SGCZ: variants seen among roughly 807,000 people sequenced by gnomAD.
SGCZ encodes sarcoglycan zeta.
SGCZ carries 40 observed loss-of-function variants against 41.3 expected under a neutral mutation model. The observed-to-expected ratio is 0.97, with a 90% CI of 0.75 to 1.26. The LOEUF is 1.26. SGCZ is among the 50% of genes most tolerant of loss of function. SGCZ has a pLI of 0.00. For synonymous variants in SGCZ, 206 were observed against 137.5 expected (o/e 1.50, Z -3.49); for missense variants, 552 against 369.8 (o/e 1.49, Z -4.04).
intron 5 of SGCZ, among the ~76,000 whole-genome samples, chr8:14,121,020 TAAC>T (rs1802680402): frequency 6.6e-6 from 1 of 152,088 alleles, no homozygotes; most frequent in South Asian, 2.1e-4. Context: ...CCTGTCCAGA[TAAC>T]AAGTATTATT....
At chr8:14,676,499 C>A (rs1207357013) in intron 1 of SGCZ, among the ~76,000 whole-genome samples, 1 of 152,130 alleles carries the variant, frequency 6.6e-6, no homozygotes, top group South Asian at 2.1e-4. Context: ...AGCCTGGAGA[C>A]AGAGTGAGAC....
chr8:14,623,414 C>T (rs2117376153), intron 1 of SGCZ, among the ~76,000 whole-genome samples: 1 of 152,238 alleles, frequency 6.6e-6, no homozygotes, highest in East Asian at 1.9e-4. Context: ...GCAAGCATCC[C>T]GCTGTTGAAC....
At chr8:14,650,345 GT>G (rs1807357079) in intron 1 of SGCZ, among the ~76,000 whole-genome samples, 1 of 151,960 alleles carries the variant, frequency 6.6e-6, no homozygotes, top group Non-Finnish European at 1.5e-5. Context: ...AGTGGATGAT[GT>G]TTTTTAAAAA....
At chr8:14,964,975 C>T (rs552448325) in intron 1 of SGCZ, among the ~76,000 whole-genome samples, 1 of 152,102 alleles carries the variant, frequency 6.6e-6, no homozygotes, top group South Asian at 2.1e-4. Flanking sequence ...GCAGACAGAC[C>T]ATTTACCTTT....
At chr8:14,232,674 C>T (rs991988086) in intron 4 of SGCZ, among the ~76,000 whole-genome samples, 5 of 151,814 alleles carry the variant, frequency 3.3e-5, no homozygotes, top group African/African-American at 1.2e-4. Flanking sequence ...CATATGTATA[C>T]ATGTGCCATG....
intron 1 of SGCZ, among the ~76,000 whole-genome samples, chr8:15,119,566 C>CTTTTTTTTCTTTTTTTTTTTTTTTTTTT (rs1554460208): frequency 6.6e-6 from 1 of 150,444 alleles, no homozygotes; most frequent in African/African-American, 2.5e-5. Context: ...TCCTAATTTT[C>CTTTTTTTTCTTTTTTTTTTTTTTTTTTT]TATTATAACA....
At chr8:14,382,999 A>G (rs1804426732) in intron 2 of SGCZ, among the ~76,000 whole-genome samples, 3 of 152,158 alleles carry the variant, frequency 2.0e-5, no homozygotes, top group Admixed American at 1.3e-4. Context: ...CATATGTGGA[A>G]GCATGCCACC....
intron 5 of SGCZ, among the ~76,000 whole-genome samples, chr8:14,131,249 A>C (rs1803031703): frequency 6.6e-6 from 1 of 152,112 alleles, no homozygotes; most frequent in Non-Finnish European, 1.5e-5. Context: ...TGGCACCTTA[A>C]AGGGAGGAGC....
chr8:14,980,157 G>T (rs759600334), intron 1 of SGCZ, among the ~76,000 whole-genome samples: 2 of 152,094 alleles, frequency 1.3e-5, no homozygotes, highest in Admixed American at 6.6e-5. Flanking sequence ...TCTTACCTGT[G>T]GTCTATGGTG....
At chr8:15,040,468 T>A (rs756795706) in intron 1 of SGCZ, among the ~76,000 whole-genome samples, 5 of 151,872 alleles carry the variant, frequency 3.3e-5, no homozygotes, top group Non-Finnish European at 7.4e-5. Context: ...ACAAAAAAAA[T>A]TAGCCGGGAG....
intron 1 of SGCZ, among the ~76,000 whole-genome samples, chr8:14,988,569 C>T (rs989688858): frequency 3.3e-5 from 5 of 151,872 alleles, no homozygotes; most frequent in Admixed American, 2.6e-4. Flanking sequence ...TTCAAATCGT[C>T]TTTTCATTTC....
intron 2 of SGCZ, among the ~76,000 whole-genome samples, chr8:14,546,973 T>C (rs573239532): frequency 3.5e-4 from 54 of 152,126 alleles, no homozygotes; most frequent in African/African-American, 1.2e-3. Context: ...TGCTTTAAAG[T>C]GTTATTGTGA....
At chr8:14,386,644 G>T (rs1804588983) in intron 2 of SGCZ, among the ~76,000 whole-genome samples, 2 of 151,944 alleles carry the variant, frequency 1.3e-5, no homozygotes, top group African/African-American at 4.8e-5. Context: ...TCTAAATTTG[G>T]TTTACATTTT....
chr8:14,555,023 C>G (rs918792419), intron 1 of SGCZ, 97 bp from the exon 2 acceptor site: 1 of 1,110,484 alleles, frequency 9.0e-7, no homozygotes, highest in Admixed American at 2.5e-5. Flanking sequence ...GAACAATGTA[C>G]GTTAAAATAA....
chr8:14,640,347 T>G lies in SGCZ; in HGVS notation c.40-85421A>C, dbSNP rs915156127. Among the ~76,000 whole-genome samples, 6 of 151,870 alleles carry G rather than the reference T, an allele frequency of 4.0e-5. No homozygotes were observed. The South Asian group carries it at 8.3e-4, about 21-fold the overall frequency. ...TTATCAGTCAATCACTTTTAGCACT[T>G]TGAAGATATCGTTATCCTGTCTTCT... On this transcript the variant is annotated intron_variant, in intron 1 of 7. Transcript: ENST00000382080.
intron 5 of SGCZ, among the ~76,000 whole-genome samples, chr8:14,147,409 G>T (rs1803560289): frequency 6.6e-6 from 1 of 152,068 alleles, no homozygotes; most frequent in African/African-American, 2.4e-5. Flanking sequence ...AAGTGCAGGA[G>T]TTGCTATACT....
rs560427110 is a variant in SGCZ at position 14,927,815 on chromosome 8, T to C, written c.39+309770A>G. ...AGGGTTAACTTCTAGTCTGACCCTA[T>C]GTTTCTTCTTTCAATAATTAATACA... On this transcript the variant is annotated intron_variant, in intron 1 of 7. Coordinates refer to ENST00000382080, the MANE Select transcript of SGCZ (RefSeq NM_139167.4). Among the ~76,000 whole-genome samples the C allele has an allele frequency of 1.2e-4, 19 of 152,174 alleles. No homozygotes were observed. The South Asian group carries it at 3.6e-3, about 29-fold the overall frequency.
At chr8:14,674,334 A>C (rs1385532813) in intron 1 of SGCZ, among the ~76,000 whole-genome samples, 1 of 152,154 alleles carries the variant, frequency 6.6e-6, no homozygotes, top group Non-Finnish European at 1.5e-5. Context: ...GATAAGAGTA[A>C]AAATGTGTGG....
At chr8:14,672,009 A>C (rs1036607372) in intron 1 of SGCZ, among the ~76,000 whole-genome samples, 10 of 152,160 alleles carry the variant, frequency 6.6e-5, no homozygotes, top group Admixed American at 6.5e-4. Context: ...ACTATCTTCC[A>C]ATTTGGGAAT....
Sources: allele counts gnomAD v4.1 joint callset (sites outside exome capture counted in the v4.1 genomes callset), GRCh38; gene constraint gnomAD v4.1.1; transcripts MANE v1.5; gene names NCBI Gene and HGNC (gene_info 2026-07-23, HGNC 2026-07-21).